Variants in ARHGEF10L observed in about 807,000 individuals in gnomAD.
The protein encoded by ARHGEF10L is Rho guanine nucleotide exchange factor 10 like, also known as rho guanine nucleotide exchange factor 10-like protein.
In ARHGEF10L, 69 loss-of-function variants were observed where a neutral mutation model predicts 141.2. That is an observed-to-expected ratio of 0.49 (90% CI 0.40 to 0.60). ARHGEF10L has a LOEUF of 0.60. Ranked by LOEUF, ARHGEF10L falls within the 20% of genes least tolerant of loss-of-function variation. The pLI is 0.00. For synonymous variants in ARHGEF10L, 711 were observed against 718.5 expected, an observed-to-expected ratio of 0.99 and a Z score of 0.17; for missense variants, 1,482 against 1,734.3, an observed-to-expected ratio of 0.85 and a Z score of 2.58.
chr1:17,586,782 G>A (rs1410652872), intron 2 of ARHGEF10L, among the ~76,000 whole-genome samples: 1 of 152,054 alleles, frequency 6.6e-6, no homozygotes, highest in Admixed American at 6.6e-5. Flanking sequence ...GGGTAGGCGG[G>A]GACAGTCTCT....
At chr1:17,694,885 C>T (rs2065375386) in intron 27 of ARHGEF10L, 1 of 627,844 alleles carries the variant, frequency 1.6e-6, no homozygotes, top group Non-Finnish European at 3.0e-6. Context: ...AGGCGCTGTG[C>T]CTGTGGTGTT....
chr1:17,578,402 C>T (rs1027351996), intron 1 of ARHGEF10L, among the ~76,000 whole-genome samples: 2 of 152,210 alleles, frequency 1.3e-5, no homozygotes, highest in African/African-American at 4.8e-5. Flanking sequence ...GTGAGAAATG[C>T]AGGCAGGTGT....
Position 17,616,133 on chromosome 1 carries a change from G to C in ARHGEF10L, c.766G>C (p.Asp256His). 1 of 1,613,754 alleles carries C rather than the reference G, an allele frequency of 6.2e-7. No individual in the cohort carries two copies. Among genetic ancestry groups the C allele is most frequent in the Non-Finnish European group, 8.5e-7 (1 of 1,179,972 alleles). The change falls in exon 9 of 29, where the codon GAT becomes CAT. Residue 256 changes from aspartate (D) to histidine (H), a missense_variant. Asp to His is a moderately conservative substitution (Grantham distance 81). Coordinates refer to ENST00000361221, the MANE Select transcript of ARHGEF10L (RefSeq NM_018125.4). ...GAAGGCCGCCAAGAGCGGGACCAAG[G>C]ATGGGCTGGAGAAGACACGGATGGC... ...LMKAAKSGTK[D>H]GLEKTRMAVM...
In ARHGEF10L at chr1:17,638,556, C is replaced by T; in HGVS notation, c.2044-6C>T. The T allele has an allele frequency of 1.2e-6, 2 of 1,614,132 alleles. No homozygotes were observed. Among genetic ancestry groups the T allele is most frequent in the Non-Finnish European group, 1.7e-6 (2 of 1,180,012 alleles). On this transcript the variant is annotated splice_polypyrimidine_tract_variant and splice_region_variant and intron_variant, in intron 19 of 28. Transcript: ENST00000361221. ...GTGGTGACCTCATTGGCCTCCTGAA[C>T]CCTAGAACCTGAACATGACTGTGGC...
chr1:17,559,238 C>T lies in ARHGEF10L; in HGVS notation c.-44+19288C>T, dbSNP rs143329855. Reference sequence around the variant, plus strand: ...TCCCTATCTCATATGGCTGTTGGGACGATTAGGAGTTATTTCTGGTAAAGC... The same window carrying T: ...TCCCTATCTCATATGGCTGTTGGGATGATTAGGAGTTATTTCTGGTAAAGC... On this transcript the variant is annotated intron_variant, in intron 1 of 28. Coordinates refer to ENST00000361221, the MANE Select transcript of ARHGEF10L (RefSeq NM_018125.4). Among the ~76,000 whole-genome samples, 16 of 152,244 alleles carry T rather than the reference C, an allele frequency of 1.1e-4. No individual in the cohort carries two copies. The East Asian group carries it at 1.2e-3, about 11-fold the overall frequency.
intron 22 of ARHGEF10L, among the ~76,000 whole-genome samples, chr1:17,651,753 C>T (rs775976349): frequency 1.3e-5 from 2 of 152,268 alleles, no homozygotes; most frequent in South Asian, 2.1e-4. Context: ...TCCTTAGGAG[C>T]GCCAGGGCTA....
intron 1 of ARHGEF10L, among the ~76,000 whole-genome samples, chr1:17,562,656 T>C (rs2077587861): frequency 6.6e-6 from 1 of 152,260 alleles, no homozygotes; most frequent in Admixed American, 6.5e-5. Context: ...CGGAGGCTGC[T>C]TCTGCTGGTA....
At position 17,664,525 on chromosome 1, in the gene ARHGEF10L, TG is replaced by T; in HGVS notation, c.2941del (p.Glu981ArgfsTer34). On this transcript the variant is annotated frameshift_variant, in exon 26 of 29. Transcript: ENST00000361221. LOFTEE classifies it high-confidence loss of function. ...GPGPVRTLLS[L>X]EDAVWASCGP... ...GGGCCTGTCCGCACCCTGTTGAGCC[TG>T]GAGGATGCCGTGTGGGCCAGCTGTG... The T allele has an allele frequency of 6.2e-7, 1 of 1,608,448 alleles. No homozygotes were observed.
intron 1 of ARHGEF10L, among the ~76,000 whole-genome samples, chr1:17,557,061 G>A (rs2077358378): frequency 6.6e-6 from 1 of 150,416 alleles, no homozygotes; most frequent in African/African-American, 2.4e-5. Context: ...AAGAAAATGT[G>A]GCCAAGTGCA....
chr1:17,540,649 G>A (rs549723657), intron 1 of ARHGEF10L, among the ~76,000 whole-genome samples: 6 of 152,238 alleles, frequency 3.9e-5, no homozygotes, highest in Admixed American at 1.3e-4. Flanking sequence ...TGCCAAAGCG[G>A]GGCCCTGGGG....
chr1:17,620,417 T>C (rs2060044536), intron 10 of ARHGEF10L, among the ~76,000 whole-genome samples: 1 of 152,206 alleles, frequency 6.6e-6, no homozygotes, highest in Non-Finnish European at 1.5e-5. Context: ...GGGAAGCTGC[T>C]GAACATCCTA....
At chr1:17,538,357 C>T (rs1389392524), upstream of ARHGEF10L, among the ~76,000 whole-genome samples, 1 of 152,194 alleles carries the variant, frequency 6.6e-6, no homozygotes. Flanking sequence ...GTGTCTCCTG[C>T]GTGCCTAGAA....
At chr1:17,641,933 A>T (rs2061349144) in intron 21 of ARHGEF10L, among the ~76,000 whole-genome samples, 1 of 151,728 alleles carries the variant, frequency 6.6e-6, no homozygotes, top group Non-Finnish European at 1.5e-5. Context: ...GTGAGCCAAG[A>T]TCGTGCCACT....
At chr1:17,537,451 C>T (rs182234049), upstream of ARHGEF10L, among the ~76,000 whole-genome samples, 112 of 152,348 alleles carry the variant, frequency 7.4e-4, no homozygotes, top group Non-Finnish European at 1.4e-3. Flanking sequence ...GGCATGGCCC[C>T]TGCCCTCAAG....
chr1:17,575,667 G>A (rs2078191308), intron 1 of ARHGEF10L, among the ~76,000 whole-genome samples: 2 of 152,206 alleles, frequency 1.3e-5, no homozygotes, highest in South Asian at 4.1e-4. Context: ...GATGGGGAAG[G>A]GTTTGAAGCA....
intron 27 of ARHGEF10L, among the ~76,000 whole-genome samples, chr1:17,693,001 G>A (rs1477681437): frequency 1.3e-5 from 2 of 152,172 alleles, no homozygotes; most frequent in Non-Finnish European, 2.9e-5. Context: ...GGAAGTAGAG[G>A]GAGGCCTGAA....
intron 15 of ARHGEF10L, among the ~76,000 whole-genome samples, chr1:17,629,454 C>T (rs1328688780): frequency 1.3e-5 from 2 of 152,196 alleles, no homozygotes; most frequent in African/African-American, 4.8e-5. Context: ...CACCTTCCCA[C>T]GTGGCACCAG....
At chr1:17,579,164 G>C (rs1052449679) in intron 1 of ARHGEF10L, among the ~76,000 whole-genome samples, 5 of 152,266 alleles carry the variant, frequency 3.3e-5, no homozygotes, top group Admixed American at 3.3e-4. Flanking sequence ...GGGATTAAAG[G>C]CATGTGCCAC....
At chr1:17,648,219 C>T (rs2061707710) in intron 21 of ARHGEF10L, among the ~76,000 whole-genome samples, 1 of 152,224 alleles carries the variant, frequency 6.6e-6, no homozygotes, top group Non-Finnish European at 1.5e-5. Context: ...ATTTGGTCCT[C>T]ACAACAACCA....
Sources: gnomAD v4.1 joint callset for allele counts (sites outside exome capture counted in the v4.1 genomes callset) on GRCh38, gnomAD v4.1.1 for gene constraint, MANE v1.5 for transcripts, NCBI Gene and HGNC (gene_info 2026-07-23, HGNC 2026-07-21) for gene names.